KMT2C: variants seen among roughly 807,000 people sequenced by gnomAD.
KMT2C encodes the protein histone-lysine N-methyltransferase 2C.
In KMT2C, 88 loss-of-function variants were observed where a neutral mutation model predicts 507.9. The observed-to-expected ratio is 0.17, with a 90% CI of 0.15 to 0.21. The LOEUF (loss-of-function observed/expected upper bound fraction) is 0.21, where lower values mean the gene tolerates loss of function less well. Among genes scored for constraint, KMT2C ranks in the 10% least tolerant of loss-of-function variants. KMT2C has a pLI of 1.00. For missense variants in KMT2C, 4,954 were observed against 5,957.8 expected (o/e 0.83, Z 5.55); for synonymous variants, 2,049 against 2,080.8 (o/e 0.98, Z 0.42).
At position 152,228,837 on chromosome 7, in the gene KMT2C, AT is replaced by A. The variant is rs547104578; in HGVS notation, c.2976+1085del. ...AACTCTATTTTTTAATTGGCTTTATATACTCTGTGTTTTTCAGTCACATACC... is the reference window on the plus strand; with the variant it reads ...AACTCTATTTTTTAATTGGCTTTATAACTCTGTGTTTTTCAGTCACATACC... On this transcript the variant is annotated intron_variant, in intron 18 of 58. Coordinates refer to ENST00000262189, the MANE Select transcript of KMT2C (RefSeq NM_170606.3). Among the ~76,000 whole-genome samples the A allele has an allele frequency of 5.3e-5, 8 of 152,314 alleles. No homozygotes were observed. The East Asian group carries it at 1.5e-3, about 29-fold the overall frequency.
Position 152,148,996 on chromosome 7 carries a change from G to C in KMT2C, c.12931C>G (p.Pro4311Ala). 6.4e-7 allele frequency: 1 copy of C among 1,568,312 alleles called. No individual in the cohort carries two copies. The highest frequency in any genetic ancestry group is 2.2e-5 in the East Asian group (1 of 44,638). Residue 4311 changes from proline to alanine, a missense_variant, in exon 52 of 59, where the codon CCT (proline) becomes GCT (alanine). By Grantham distance (27) the Pro-to-Ala change is conservative (BLOSUM62 -1). This residue lies in a region of KMT2C where 417 missense variants were observed against 461.1 expected (regional missense o/e 0.90). Coordinates refer to ENST00000262189, the MANE Select transcript of KMT2C (RefSeq NM_170606.3). This position sits in a 1 kb window ranked among gnomAD's most constrained non-coding sequence, Gnocchi z 7.1. Reference protein sequence around the residue: ...PPASPPIAFPPAFEAAQVEAK... With the variant: ...PPASPPIAFPAAFEAAQVEAK... ...TCGACTTGGGCTGCTTCAAAAGCAGGAGGGAAGGCGATGGGTGGTGAGGCA... is the reference window on the plus strand; with the variant it reads ...TCGACTTGGGCTGCTTCAAAAGCAGCAGGGAAGGCGATGGGTGGTGAGGCA...
chr7:152,370,819 C>A (rs548724662), intron 1 of KMT2C, among the ~76,000 whole-genome samples: 1 of 152,286 alleles, frequency 6.6e-6, no homozygotes, highest in South Asian at 2.1e-4. Flanking sequence ...ATAATTTTAT[C>A]GGAACATAGC....
At chr7:152,426,348 C>T (rs2097819497) in intron 1 of KMT2C, among the ~76,000 whole-genome samples, 1 of 151,616 alleles carries the variant, frequency 6.6e-6, no homozygotes, top group South Asian at 2.1e-4. Flanking sequence ...AGCAATCCTC[C>T]CATCTCAGCC....
Position 152,297,047 on chromosome 7 carries a change from A to AGAC in KMT2C, c.849+12918_849+12919insGTC, listed in dbSNP as rs1563766837. On this transcript the variant is annotated intron_variant, in intron 6 of 58. Transcript: ENST00000262189. ...AAAGAAAGAAAGAAAGAAAGAAAGA[A>AGAC]AGAAAGACAGAGAGAGAGAGAGAGA... Among the ~76,000 whole-genome samples, 95 of 68,958 alleles carry AGAC rather than the reference A, an allele frequency of 1.4e-3. 1 individual carries two copies. Among genetic ancestry groups the AGAC allele is most frequent in the Admixed American group, 4.1e-3 (26 of 6,404 alleles). 45.2% of individuals were successfully genotyped at this position (68,958 alleles called of 152,430 possible).
rs753663318 is a variant in KMT2C at position 152,187,419 on chromosome 7, T to A, written c.4851A>T (p.Ser1617=). ...TTTCTCCTTCCACAGTGGGAGCTGA[T>A]GATGTCCAAGAGTTGTTAGGATCAC... ...MASDPNNSWT[S]SAPTVEGEND... The change falls in exon 33 of 59, where the codon TCA becomes TCT. Residue 1617 remains serine, a synonymous_variant. Transcript: ENST00000262189. The A allele has an allele frequency of 1.2e-6, 2 of 1,614,150 alleles. No homozygotes were observed. The highest frequency in any genetic ancestry group is 3.3e-5 in the Admixed American group (2 of 60,012).
chr7:152,399,722 G>T (rs2097560145), intron 1 of KMT2C, among the ~76,000 whole-genome samples: 2 of 151,944 alleles, frequency 1.3e-5, no homozygotes, highest in South Asian at 4.2e-4. Context: ...AGGTAAGAGG[G>T]AGGGCAACAA....
Position 152,139,687 on chromosome 7 carries a change from A to G in KMT2C, c.14448T>C (p.Leu4816=), listed in dbSNP as rs2090302888. The change falls in exon 56 of 59, where the codon CTT becomes CTC. Residue 4816 remains leucine, a synonymous_variant. Transcript: ENST00000262189. ...RNEVANRKEK[L]YESQNRGVYM... is the part of the protein sequence containing the mutation. ...ACCAGACACCTACCTGAGACTCATA[A>G]AGCTTCTCTTTCCTGTTGGCTACTT... The G allele has an allele frequency of 6.2e-7, 1 of 1,611,322 alleles. No homozygotes were observed. Among genetic ancestry groups the G allele is most frequent in the East Asian group, 2.2e-5 (1 of 44,864 alleles).
At chr7:152,254,594 T>C (rs140685266) in intron 9 of KMT2C, among the ~76,000 whole-genome samples, 561 of 152,248 alleles carry the variant, frequency 3.7e-3, no homozygotes, top group South Asian at 7.2e-3. Context: ...GTGACCAACA[T>C]AAATACTTCA....
At chr7:152,351,691 C>T (rs1006300859) in intron 2 of KMT2C, among the ~76,000 whole-genome samples, 1 of 152,104 alleles carries the variant, frequency 6.6e-6, no homozygotes, top group Admixed American at 6.5e-5. Flanking sequence ...CAAAATAATA[C>T]TTTTATAATT....
chr7:152,180,692 G>A lies in KMT2C; in HGVS notation c.7149+19C>T, dbSNP rs1376733193. On this transcript the variant is annotated intron_variant, in intron 36 of 58. Coordinates refer to ENST00000262189, the MANE Select transcript of KMT2C (RefSeq NM_170606.3). Reference sequence around the variant, plus strand: ...CCTCAAATAATACATTTAAAACTGAGAACATACAATGTGTTTACCTGTCTC... The same window carrying A: ...CCTCAAATAATACATTTAAAACTGAAAACATACAATGTGTTTACCTGTCTC... 1 of 1,544,884 alleles carries A rather than the reference G, an allele frequency of 6.5e-7. No homozygotes were observed. Among genetic ancestry groups the A allele is most frequent in the Non-Finnish European group, 8.8e-7 (1 of 1,131,272 alleles).
rs543326170 is a variant in KMT2C at position 152,143,425 on chromosome 7, T to C, written c.14343+1288A>G. ...AGGATATAAGACAGAAATTACTCTC[T>C]GACATGCATGAGAATCATCCAGGAG... On this transcript the variant is annotated intron_variant, in intron 55 of 58. Coordinates refer to ENST00000262189, the MANE Select transcript of KMT2C (RefSeq NM_170606.3). Among the ~76,000 whole-genome samples, 33 of 152,336 alleles carry C rather than the reference T, an allele frequency of 2.2e-4. No individual in the cohort carries two copies. In the South Asian group the frequency reaches 6.6e-3, roughly 31 times the overall value.
At chr7:152,365,174 C>A (rs10243401) in intron 1 of KMT2C, among the ~76,000 whole-genome samples, 7,384 of 152,224 alleles carry the variant, frequency 0.049, 633 homozygotes, top group African/African-American at 0.17. Flanking sequence ...AAAAACCCTT[C>A]TAAACACTGA....
At chr7:152,185,777 A>C in intron 33 of KMT2C, 146 bp from the exon 34 acceptor site, 2 of 578,446 alleles carry the variant, frequency 3.5e-6, no homozygotes, top group African/African-American at 1.9e-5. Flanking sequence ...TTTTTTACAA[A>C]GAACAAAGAT....
At position 152,194,541 on chromosome 7, in the gene KMT2C, G is replaced by A. The variant is rs1204129451; in HGVS notation, c.4406C>T (p.Ser1469Phe). ...SDIGPVTDDP[S>F]SLPQPNVNQS... is the part of the protein sequence containing the mutation. ...ATTGACATTTGGCTGAGGCAAAGAG[G>A]AAGGATCATCAGTGACAGGACCAAT... is the stretch of plus-strand genomic sequence containing the variant. Residue 1469 changes from serine to phenylalanine, a missense_variant, in exon 29 of 59, where the codon TCC becomes TTC. By Grantham distance (155) the Ser-to-Phe change is radical (BLOSUM62 -2). This residue lies in a region of KMT2C where 140 missense variants were observed against 118.4 expected (regional missense o/e 1.18). Coordinates refer to ENST00000262189, the MANE Select transcript of KMT2C (RefSeq NM_170606.3). 1.9e-6 allele frequency: 3 copies of A among 1,612,888 alleles called. No homozygotes were observed. The highest frequency in any genetic ancestry group is 2.5e-6 in the Non-Finnish European group (3 of 1,179,206).
At chr7:152,280,714 C>G (rs2096193564) in intron 6 of KMT2C, among the ~76,000 whole-genome samples, 1 of 152,198 alleles carries the variant, frequency 6.6e-6, no homozygotes. Context: ...ACCCTGAGTT[C>G]TGACCTAAGT....
chr7:152,189,156 T>C (rs2093715064), intron 31 of KMT2C, among the ~76,000 whole-genome samples: 1 of 152,222 alleles, frequency 6.6e-6, no homozygotes. Context: ...TTATGCTTCT[T>C]TACAACACTC....
chr7:152,251,016 GTTCA>G (rs1293419889), intron 11 of KMT2C, 50 bp from the exon 12 acceptor site: 4 of 998,996 alleles, frequency 4.0e-6, no homozygotes, highest in Non-Finnish European at 6.3e-6. Context: ...TTTTTTCTTT[GTTCA>G]TTAAGTCAAC....
rs574726004 is a variant in KMT2C, at chr7:152,303,162, C to T, written c.849+6804G>A. Among the ~76,000 whole-genome samples the T allele has an allele frequency of 1.2e-3, 185 of 152,194 alleles. 1 individual carries two copies. Among genetic ancestry groups the T allele is most frequent in the Non-Finnish European group, 2.0e-3 (138 of 67,996 alleles). On this transcript the variant is annotated intron_variant, in intron 6 of 58. Transcript: ENST00000262189. ...CTCTAGTAAAAAATGAATAAAGTTT[C>T]CCCTGGAAAAACTAAAAACAATCTG...
At chr7:152,211,168 T>G (rs962975332) in intron 23 of KMT2C, among the ~76,000 whole-genome samples, 3 of 152,192 alleles carry the variant, frequency 2.0e-5, no homozygotes, top group Non-Finnish European at 2.9e-5. Flanking sequence ...GCAGGTCACA[T>G]AGAGAGAACC....
Sources: allele counts gnomAD v4.1 joint callset (sites outside exome capture counted in the v4.1 genomes callset), GRCh38; gene constraint gnomAD v4.1.1; regional missense constraint gnomAD v4.1.1; non-coding constraint Gnocchi (gnomAD v3.1); transcripts MANE v1.5; gene names NCBI Gene and HGNC (gene_info 2026-07-23, HGNC 2026-07-21).